Variants in RBMS3 observed in about 807,000 individuals in gnomAD.
RBMS3 encodes RNA-binding motif, single-stranded-interacting protein 3.
In RBMS3, 27 loss-of-function variants were observed where a neutral mutation model predicts 66.8. That is an observed-to-expected ratio of 0.40 (90% CI 0.30 to 0.56). The LOEUF is 0.56. RBMS3 is among the 20% of genes least tolerant of loss of function. The pLI, the probability that RBMS3 is intolerant of heterozygous loss-of-function variation, is 0.40. For missense variants in RBMS3, 513 were observed against 549.5 expected, an observed-to-expected ratio of 0.93 and a Z score of 0.66; for synonymous variants, 188 against 183.0, an observed-to-expected ratio of 1.03 and a Z score of -0.22.
At chr3:29,874,699 G>C (rs1444359517) in intron 7 of RBMS3, among the ~76,000 whole-genome samples, 2 of 152,284 alleles carry the variant, frequency 1.3e-5, no homozygotes, top group South Asian at 2.1e-4. Flanking sequence ...AATTTAGAGA[G>C]CAAGCTCAAG....
chr3:29,505,249 AG>A (rs201517094), intron 3 of RBMS3, among the ~76,000 whole-genome samples: 5,368 of 152,024 alleles, frequency 0.035, 138 homozygotes, highest in Non-Finnish European at 0.056. Context: ...TATGAAATAA[AG>A]GTCTAATTTC....
intron 10 of RBMS3, among the ~76,000 whole-genome samples, chr3:29,921,552 A>G (rs567723285): frequency 1.6e-4 from 24 of 152,092 alleles, no homozygotes; most frequent in African/African-American, 5.3e-4. Flanking sequence ...GACACAATAA[A>G]ATATTACCAA....
At chr3:29,497,997 T>A (rs2043822978) in intron 3 of RBMS3, among the ~76,000 whole-genome samples, 1 of 108,284 alleles carries the variant, frequency 9.2e-6, no homozygotes, top group African/African-American at 3.6e-5. Flanking sequence ...TTTTTTTTTT[T>A]TTTTTTTTTT....
At chr3:29,370,337 T>G (rs535352430) in intron 1 of RBMS3, among the ~76,000 whole-genome samples, 58 of 152,344 alleles carry the variant, frequency 3.8e-4, no homozygotes, top group Admixed American at 5.9e-4. Context: ...TCACAGAAAG[T>G]TCTGTTCAGG....
intron 3 of RBMS3, among the ~76,000 whole-genome samples, chr3:29,538,008 G>T (rs1004359764): frequency 2.0e-5 from 3 of 151,908 alleles, no homozygotes; most frequent in Middle Eastern, 3.2e-3. Flanking sequence ...TGGAAACAGG[G>T]AGCAAATAAT....
At chr3:29,929,428 T>C (rs1449286) in intron 10 of RBMS3, among the ~76,000 whole-genome samples, 80,426 of 151,986 alleles carry the variant, frequency 0.53, 23,612 homozygotes, top group Non-Finnish European at 0.67. Flanking sequence ...ATATTTACTT[T>C]ATATTCTCAT....
At chr3:29,839,422 TA>T (rs1237282501) in intron 6 of RBMS3, among the ~76,000 whole-genome samples, 1 of 152,072 alleles carries the variant, frequency 6.6e-6, no homozygotes, top group Admixed American at 6.6e-5. Context: ...CAACTTTCCT[TA>T]AAAAAGGAGA....
At chr3:29,428,706 G>A (rs2041060955) in intron 1 of RBMS3, among the ~76,000 whole-genome samples, 2 of 152,050 alleles carry the variant, frequency 1.3e-5, no homozygotes, top group Non-Finnish European at 2.9e-5. Context: ...TATGAACAAA[G>A]CACACTAAAT....
intron 1 of RBMS3, among the ~76,000 whole-genome samples, chr3:29,332,289 AAAC>A (rs200708935): frequency 0.02 from 3,025 of 152,252 alleles, 100 homozygotes; most frequent in African/African-American, 0.068. Flanking sequence ...TTTGGAGACA[AAAC>A]AACAAGAAAC....
At chr3:29,953,342 G>A (rs887676964) in intron 12 of RBMS3, among the ~76,000 whole-genome samples, 2 of 151,972 alleles carry the variant, frequency 1.3e-5, no homozygotes, top group Non-Finnish European at 2.9e-5. Context: ...TTTGCAGAAT[G>A]TACCTGTCTC....
intron 12 of RBMS3, among the ~76,000 whole-genome samples, chr3:29,960,414 A>G (rs1456205727): frequency 6.6e-6 from 1 of 152,138 alleles, no homozygotes; most frequent in Non-Finnish European, 1.5e-5. Context: ...CACAGGCTGG[A>G]ATTGAGTGCC....
chr3:29,704,904 G>C (rs1218429210), intron 4 of RBMS3, among the ~76,000 whole-genome samples: 1 of 152,170 alleles, frequency 6.6e-6, no homozygotes, highest in Non-Finnish European at 1.5e-5. Context: ...ATTAGCTTTG[G>C]CCATTGCTTG....
intron 10 of RBMS3, among the ~76,000 whole-genome samples, chr3:29,928,818 GAACCAGGCTACTGGTCACTTGCTCCTC>G (rs2061026239): frequency 3.3e-5 from 5 of 151,352 alleles, no homozygotes; most frequent in Non-Finnish European, 7.4e-5. Flanking sequence ...TAACATATTT[GAACCAGGCTACTGGTCACTTGCTCCTC>G]TCTTCTCCCA....
intron 4 of RBMS3, among the ~76,000 whole-genome samples, chr3:29,605,872 A>G (rs148257668): frequency 9.0e-4 from 137 of 151,674 alleles, no homozygotes; most frequent in African/African-American, 3.2e-3. Context: ...CGTCACAACT[A>G]TTTAGAACCT....
intron 2 of RBMS3, 138 bp downstream of exon 2, chr3:29,435,053 T>C (rs1238241509): frequency 1.1e-6 from 1 of 932,010 alleles, no homozygotes; most frequent in African/African-American, 1.7e-5. Flanking sequence ...GGACTTAAAT[T>C]TGAGATTCAA....
chr3:29,426,538 A>G (rs533222963), intron 1 of RBMS3, among the ~76,000 whole-genome samples: 62 of 152,370 alleles, frequency 4.1e-4, no homozygotes, highest in South Asian at 8.3e-4. Context: ...CATTTAGAGC[A>G]AAAGTGAATC....
intron 4 of RBMS3, among the ~76,000 whole-genome samples, chr3:29,696,219 C>T (rs1455506007): frequency 1.3e-5 from 2 of 152,172 alleles, no homozygotes; most frequent in African/African-American, 2.4e-5. Context: ...TGTGACTTCA[C>T]GTGAGTTAGG....
At chr3:29,780,073 A>G (rs1032785015) in intron 6 of RBMS3, among the ~76,000 whole-genome samples, 2 of 151,956 alleles carry the variant, frequency 1.3e-5, no homozygotes, top group African/African-American at 4.8e-5. Context: ...ATTCAAAGAT[A>G]AAGATGAAAG....
At chr3:29,370,477 C>G (rs2038143621) in intron 1 of RBMS3, among the ~76,000 whole-genome samples, 1 of 152,158 alleles carries the variant, frequency 6.6e-6, no homozygotes, top group Non-Finnish European at 1.5e-5. Context: ...ACTATGCACA[C>G]CCTTTAGATT....
Sources: gnomAD v4.1 joint callset for allele counts (sites outside exome capture counted in the v4.1 genomes callset) on GRCh38, gnomAD v4.1.1 for gene constraint, MANE v1.5 for transcripts, NCBI Gene and HGNC (gene_info 2026-07-23, HGNC 2026-07-21) for gene names.